NUP50: variants seen among roughly 807,000 people sequenced by gnomAD.
The protein encoded by NUP50 is nucleoporin 50.
Under a neutral mutation model 36.8 loss-of-function variants are expected in NUP50, and 14 were observed. The ratio of observed to expected loss-of-function variants is 0.38; its 90% CI spans 0.25 to 0.59. The LOEUF (loss-of-function observed/expected upper bound fraction) is 0.59, where lower values mean the gene tolerates loss of function less well. Ranked by LOEUF, NUP50 falls within the 20% of genes least tolerant of loss-of-function variation. The pLI, the probability that NUP50 is intolerant of heterozygous loss-of-function variation, is 0.63. For missense variants in NUP50, 455 were observed against 564.6 expected (o/e 0.81, Z 1.97); for synonymous variants, 195 against 210.8 (o/e 0.93, Z 0.65).
intron 4 of NUP50, 97 bp from the exon 5 acceptor site, chr22:45,178,141 A>G: frequency 4.6e-6 from 5 of 1,089,128 alleles, no homozygotes; most frequent in Non-Finnish European, 6.7e-6. Context: ...GGGGAGATAC[A>G]GTAAAAGCAG....
In NUP50 at chr22:45,175,955, G is replaced by A. The variant is rs753625505; in HGVS notation, c.215G>A (p.Arg72His). 87 of 1,613,956 alleles carry A rather than the reference G, an allele frequency of 5.4e-5. No individual in the cohort carries two copies. The highest frequency in any genetic ancestry group is 6.9e-5 in the Non-Finnish European group (82 of 1,180,022). The change falls in exon 4 of 8, where the codon CGC (arginine) becomes CAC (histidine). Residue 72 changes from arginine (R) to histidine (H), a missense_variant. This residue lies in a region of NUP50 where 166 missense variants were observed against 202.8 expected (regional missense o/e 0.82). Transcript: ENST00000347635. ...KGLVVPSGGG[R>H]FSGFGSGAGG... The stretch of plus-strand genomic sequence containing the variant: ...TTGGTGGTACCTTCTGGAGGAGGAC[G>A]CTTTTCTGGATTTGGTAGTGGCGCT...
Position 45,183,376 on chromosome 22 carries a change from A to G in NUP50, c.1086-26A>G, listed in dbSNP as rs777418734. On this transcript the variant is annotated intron_variant, in intron 6 of 7. Coordinates refer to ENST00000347635, the MANE Select transcript of NUP50 (RefSeq NM_007172.4). Reference sequence around the variant, plus strand: ...GACTTGATTCGTCCTTGAATGCTTGATGGTCCCTATTATTTTTCTCCATAG... The same window carrying G: ...GACTTGATTCGTCCTTGAATGCTTGGTGGTCCCTATTATTTTTCTCCATAG... 7.3e-5 allele frequency: 96 copies of G among 1,321,094 alleles called. No homozygotes were observed. In the Middle Eastern group the frequency reaches 1.5e-3, roughly 21 times the overall value. The allele number at this position is 1,321,094 out of a possible 1,614,324, so 81.8% of individuals were successfully genotyped here. A position where few individuals can be genotyped will look rare whatever the true frequency, so the allele number is the denominator to read the frequency against.
intron 1 of NUP50, among the ~76,000 whole-genome samples, chr22:45,167,777 TATGAC>T (rs1297510673): frequency 6.6e-6 from 1 of 152,238 alleles, no homozygotes; most frequent in Non-Finnish European, 1.5e-5. Context: ...TTATTTTCTT[TATGAC>T]AAGACTTTCA....
rs1350783722 is a variant in NUP50 at position 45,185,138 on chromosome 22, A to G, written c.*483A>G. ...CTGTTACCAAATGAACCGGGCTGCC[A>G]CGCTGTGACAGGCGTTTGTCCTCTG... On this transcript the variant is annotated 3_prime_UTR_variant, in exon 8 of 8. Transcript: ENST00000347635. 5.7e-6 allele frequency: 1 copy of G among 176,240 alleles called. No homozygotes were observed. The highest frequency in any genetic ancestry group is 1.6e-4 in the East Asian group (1 of 6,372). 10.9% of individuals were successfully genotyped at this position (176,240 alleles called of 1,614,324 possible). A position where few individuals can be genotyped will look rare whatever the true frequency, so the allele number is the denominator to read the frequency against.
chr22:45,177,118 C>T (rs944728024), intron 4 of NUP50, among the ~76,000 whole-genome samples: 2 of 152,152 alleles, frequency 1.3e-5, no homozygotes, highest in African/African-American at 2.4e-5. Context: ...GTTCAAGTCC[C>T]ATAGTCAGAC....
chr22:45,169,278 G>A (rs1249182908), intron 2 of NUP50, among the ~76,000 whole-genome samples: 1 of 152,162 alleles, frequency 6.6e-6, no homozygotes, highest in Non-Finnish European at 1.5e-5. Context: ...GCTGAGGCGG[G>A]AGGTTTGCTT....
rs1401932486 is a variant in NUP50, at chr22:45,186,200, G to A, written c.*1545G>A. ...GAATTTGGCCTAGTGTGTGGCTTTG[G>A]ATGAATCCGTGTAGAGAGAGGTGAG... On this transcript the variant is annotated 3_prime_UTR_variant, in exon 8 of 8. Coordinates refer to ENST00000347635, the MANE Select transcript of NUP50 (RefSeq NM_007172.4). The A allele has an allele frequency of 6.6e-6, 1 of 152,182 alleles. No individual in the cohort carries two copies. The highest frequency in any genetic ancestry group is 6.5e-5 in the Admixed American group (1 of 15,268). The allele number at this position is 152,182 out of a possible 1,614,324, so 9.4% of individuals were successfully genotyped here.
chr22:45,174,362 AC>A (rs1276589670), intron 3 of NUP50, among the ~76,000 whole-genome samples: 1 of 151,926 alleles, frequency 6.6e-6, no homozygotes, highest in African/African-American at 2.4e-5. Context: ...ATTTTTGTAG[AC>A]AGGGGGTCTC....
rs1195868910 is a variant in NUP50 at position 45,184,671 on chromosome 22, T to C, written c.*16T>C. ...GGATGCCTGAACACGCAAAGTCGGC[T>C]GCAGAATTATTGCCAAGTTGCTGCT... On this transcript the variant is annotated 3_prime_UTR_variant, in exon 8 of 8. Coordinates refer to ENST00000347635, the MANE Select transcript of NUP50 (RefSeq NM_007172.4). 1.3e-6 allele frequency: 2 copies of C among 1,598,214 alleles called. No individual in the cohort carries two copies. The highest frequency in any genetic ancestry group is 8.5e-7 in the Non-Finnish European group (1 of 1,172,042).
chr22:45,187,791 C>G lies in NUP50; in HGVS notation c.*3136C>G, dbSNP rs992885692. The stretch of plus-strand genomic sequence containing the variant: ...TAACAATCATACTGAGGACGAAGGA[C>G]TCTCCGTTTGATGCAGACACAATTG... On this transcript the variant is annotated 3_prime_UTR_variant, in exon 8 of 8. Coordinates refer to ENST00000347635, the MANE Select transcript of NUP50 (RefSeq NM_007172.4). 1.3e-5 allele frequency: 2 copies of G among 152,588 alleles called. No homozygotes were observed. Among genetic ancestry groups the G allele is most frequent in the African/African-American group, 2.4e-5 (1 of 41,448 alleles). The allele number at this position is 152,588 out of a possible 1,614,324, so 9.5% of individuals were successfully genotyped here. A position where few individuals can be genotyped will look rare whatever the true frequency, so the allele number is the denominator to read the frequency against.
chr22:45,170,058 C>T (rs189795663), intron 2 of NUP50, among the ~76,000 whole-genome samples: 4 of 152,314 alleles, frequency 2.6e-5, no homozygotes, highest in African/African-American at 4.8e-5. Context: ...AAAATGCTGA[C>T]GTACGCCGCC....
intron 5 of NUP50, among the ~76,000 whole-genome samples, chr22:45,181,044 G>C (rs1276480006): frequency 6.7e-6 from 1 of 149,858 alleles, no homozygotes; most frequent in African/African-American, 2.5e-5. Flanking sequence ...TATATTGGAA[G>C]TTATTTTAGA....
intron 5 of NUP50, among the ~76,000 whole-genome samples, chr22:45,180,973 A>G (rs977801571): frequency 6.8e-6 from 1 of 148,024 alleles, no homozygotes; most frequent in African/African-American, 2.5e-5. Context: ...ATTTGCATAT[A>G]GAGTGTTGAT....
rs562150593 is a variant in NUP50, at chr22:45,187,084, T to C, written c.*2429T>C. The C allele has an allele frequency of 6.6e-5, 10 of 152,308 alleles. No homozygotes were observed. In the South Asian group the frequency reaches 8.3e-4, roughly 13 times the overall value. The allele number at this position is 152,308 out of a possible 1,614,324, so 9.4% of individuals were successfully genotyped here. On this transcript the variant is annotated 3_prime_UTR_variant, in exon 8 of 8. Transcript: ENST00000347635. ...GTTTGAGAATCTATGAAGTGTATCATATACGTGGCCTAAAGCAAGGTGTGT... is the reference window on the plus strand; with the variant it reads ...GTTTGAGAATCTATGAAGTGTATCACATACGTGGCCTAAAGCAAGGTGTGT...
chr22:45,176,804 G>A (rs935429020), intron 4 of NUP50, among the ~76,000 whole-genome samples: 27 of 152,026 alleles, frequency 1.8e-4, no homozygotes, highest in African/African-American at 5.6e-4. Context: ...ATGCAGTGGC[G>A]CGACCTCTGC....
chr22:45,181,260 C>G, intron 5 of NUP50, 26 bp from the exon 6 acceptor site: 3 of 1,520,416 alleles, frequency 2.0e-6, no homozygotes, highest in Non-Finnish European at 2.7e-6. Context: ...TGGAATCTTA[C>G]TGAATTATTG....
Position 45,187,259 on chromosome 22 carries a change from C to T in NUP50, c.*2604C>T, listed in dbSNP as rs1213318462. On this transcript the variant is annotated 3_prime_UTR_variant, in exon 8 of 8. Transcript: ENST00000347635. Reference sequence around the variant, plus strand: ...AATTTGTTATGCCATCTTCATTATTCGAATTACAGACTGAAAAAATATGGC... The same window carrying T: ...AATTTGTTATGCCATCTTCATTATTTGAATTACAGACTGAAAAAATATGGC... 6 of 146,866 alleles carry T rather than the reference C, an allele frequency of 4.1e-5. No individual in the cohort carries two copies. The highest frequency in any genetic ancestry group is 2.2e-4 in the South Asian group (1 of 4,632). 9.1% of individuals were successfully genotyped at this position (146,866 alleles called of 1,614,324 possible).
rs137864629 is a variant in NUP50 at position 45,170,328 on chromosome 22, C to T, written c.70-1272C>T. 9.9e-4 allele frequency among the ~76,000 whole-genome samples: 144 copies of T among 144,730 alleles called. 2 individuals carry two copies. In the East Asian group the frequency reaches 0.036, roughly 36 times the overall value. 94.9% of individuals were successfully genotyped at this position (144,730 alleles called of 152,430 possible). A position where few individuals can be genotyped will look rare whatever the true frequency, so the allele number is the denominator to read the frequency against. On this transcript the variant is annotated intron_variant, in intron 2 of 7. Transcript: ENST00000347635. ...TATTTCTTACAATCTCTGTTTCCCC[C>T]TTCGAGGAGAACACCCGCAAAGCCC... is the stretch of plus-strand genomic sequence containing the variant.
intron 6 of NUP50, among the ~76,000 whole-genome samples, chr22:45,182,623 GTTTT>G (rs550478534): frequency 1.0e-4 from 10 of 95,944 alleles, no homozygotes; most frequent in Non-Finnish European, 1.5e-4. Context: ...CTTGAGGTTT[GTTTT>G]TTTTTTTTTT....
Sources: allele counts gnomAD v4.1 joint callset (sites outside exome capture counted in the v4.1 genomes callset), GRCh38; gene constraint gnomAD v4.1.1; regional missense constraint gnomAD v4.1.1; transcripts MANE v1.5; gene names NCBI Gene and HGNC (gene_info 2026-07-23, HGNC 2026-07-21).